CHODL: variants seen among roughly 807,000 people sequenced by gnomAD.
CHODL encodes transmembrane protein MT75.
In CHODL, 29 loss-of-function variants were observed where a neutral mutation model predicts 34.5. That is an observed-to-expected ratio of 0.84 (90% CI 0.63 to 1.15). The LOEUF (loss-of-function observed/expected upper bound fraction) is 1.15, where lower values mean the gene tolerates loss of function less well. CHODL is among the 50% of genes most tolerant of loss of function. The pLI is 0.00. For synonymous variants in CHODL, 125 were observed against 116.1 expected, an observed-to-expected ratio of 1.08 and a Z score of -0.49; for missense variants, 332 against 332.5, an observed-to-expected ratio of 1.00 and a Z score of 0.01.
At chr21:18,192,480 T>C (rs954121327) in intron 2 of CHODL, among the ~76,000 whole-genome samples, 7 of 152,226 alleles carry the variant, frequency 4.6e-5, no homozygotes, top group Non-Finnish European at 5.9e-5. Flanking sequence ...AAGTTTCGCA[T>C]GAAAGGCAAA....
At chr21:17,984,521 A>G (rs986878904) in intron 1 of CHODL, among the ~76,000 whole-genome samples, 1 of 152,182 alleles carries the variant, frequency 6.6e-6, no homozygotes. Flanking sequence ...TATAATTAAA[A>G]TACTTTCTAG....
intron 1 of CHODL, among the ~76,000 whole-genome samples, chr21:17,962,834 C>A (rs535060645): frequency 6.6e-6 from 1 of 151,914 alleles, no homozygotes; most frequent in Non-Finnish European, 1.5e-5. Context: ...GAGGCTGAGG[C>A]GGGTGGATCA....
chr21:18,247,406 A>G (rs1251414456), intron 1 of CHODL, among the ~76,000 whole-genome samples: 2 of 152,172 alleles, frequency 1.3e-5, no homozygotes, highest in Non-Finnish European at 1.5e-5. Flanking sequence ...CTGACCGCAG[A>G]AAAATAGACA....
intron 2 of CHODL, among the ~76,000 whole-genome samples, chr21:18,031,627 A>G (rs2064249294): frequency 6.6e-6 from 1 of 152,104 alleles, no homozygotes; most frequent in Non-Finnish European, 1.5e-5. Flanking sequence ...ATTAAATGCT[A>G]CAGGTATAAC....
chr21:18,187,173 A>G (rs2073452679), intron 2 of CHODL, among the ~76,000 whole-genome samples: 1 of 152,208 alleles, frequency 6.6e-6, no homozygotes, highest in Non-Finnish European at 1.5e-5. Flanking sequence ...TTTTTAAATG[A>G]CATTTCTAGG....
intron 1 of CHODL, among the ~76,000 whole-genome samples, chr21:17,953,189 G>C (rs1422483603): frequency 6.6e-6 from 1 of 152,118 alleles, no homozygotes; most frequent in Non-Finnish European, 1.5e-5. Context: ...GTAAATAATG[G>C]AATTGTAAAT....
In CHODL at chr21:18,001,773, CTTTTTT is replaced by C. The variant is rs59908803; in HGVS notation, c.-144-26081_-144-26076del. 1.0e-3 allele frequency among the ~76,000 whole-genome samples: 126 copies of C among 124,160 alleles called. 1 individual carries two copies. The highest frequency in any genetic ancestry group is 1.3e-3 in the African/African-American group (45 of 35,458). 81.5% of individuals were successfully genotyped at this position (124,160 alleles called of 152,430 possible). ...TCATGCCATACGTTGGCCTCATCCT[CTTTTTT>C]TTTTTTTTTTTTTTTTTAATTTCCC... On this transcript the variant is annotated intron_variant, in intron 1 of 6. Transcript: ENST00000400127.
rs550880306 is a variant in CHODL, at chr21:17,982,047, A to G, written c.-144-45825A>G. Among the ~76,000 whole-genome samples, 27 of 152,350 alleles carry G rather than the reference A, an allele frequency of 1.8e-4. No homozygotes were observed. In the East Asian group the frequency reaches 5.2e-3, roughly 29 times the overall value. On this transcript the variant is annotated intron_variant, in intron 1 of 6. Transcript: ENST00000400127. Reference sequence around the variant, plus strand: ...TACTACATCCTAGGATTGTTGGTGTAAAAGTAGTTTTCACTGTTTTTAGAA... The same window carrying G: ...TACTACATCCTAGGATTGTTGGTGTGAAAGTAGTTTTCACTGTTTTTAGAA...
intron 2 of CHODL, chr21:18,134,385 A>G (rs746939427): frequency 3.9e-6 from 2 of 515,890 alleles, no homozygotes; most frequent in Non-Finnish European, 7.7e-6. Flanking sequence ...TTTTAAGTCA[A>G]GCTGGCATCT....
intron 1 of CHODL, among the ~76,000 whole-genome samples, chr21:17,992,261 T>G (rs1248994205): frequency 1.3e-5 from 2 of 152,228 alleles, no homozygotes; most frequent in East Asian, 1.9e-4. Flanking sequence ...GGTAGTGTGA[T>G]GCCTCTAGTT....
chr21:17,967,074 G>A (rs1313322325), intron 1 of CHODL, among the ~76,000 whole-genome samples: 1 of 151,880 alleles, frequency 6.6e-6, no homozygotes, highest in Non-Finnish European at 1.5e-5. Context: ...TAGTAGAGAT[G>A]GGGTTTCACC....
At chr21:18,078,912 C>A (rs144670589) in intron 2 of CHODL, among the ~76,000 whole-genome samples, 254 of 152,280 alleles carry the variant, frequency 1.7e-3, no homozygotes, top group Middle Eastern at 6.8e-3. Flanking sequence ...GAATCAGACA[C>A]AAGATTTGCA....
chr21:18,147,608 G>A (rs2072910204), intron 2 of CHODL, among the ~76,000 whole-genome samples: 1 of 152,176 alleles, frequency 6.6e-6, no homozygotes, highest in Non-Finnish European at 1.5e-5. Context: ...TTTTATTTCA[G>A]GGATTGGCAG....
chr21:18,048,972 C>A (rs998965102), intron 2 of CHODL, among the ~76,000 whole-genome samples: 1 of 151,778 alleles, frequency 6.6e-6, no homozygotes, highest in Non-Finnish European at 1.5e-5. Context: ...TCAGATGACA[C>A]TAAAGAACAC....
chr21:18,124,012 G>A (rs771034259), intron 2 of CHODL, among the ~76,000 whole-genome samples: 2 of 151,984 alleles, frequency 1.3e-5, no homozygotes, highest in African/African-American at 2.4e-5. Flanking sequence ...GTGAAATCCC[G>A]TCTCTACTAA....
chr21:18,116,309 C>T (rs1297656272), intron 2 of CHODL, among the ~76,000 whole-genome samples: 1 of 152,044 alleles, frequency 6.6e-6, no homozygotes, highest in Non-Finnish European at 1.5e-5. Context: ...TTCTCTCTCT[C>T]TCTCTTTCTC....
At chr21:18,080,329 G>GTT (rs2146512823) in intron 2 of CHODL, among the ~76,000 whole-genome samples, 1 of 152,052 alleles carries the variant, frequency 6.6e-6, no homozygotes, top group African/African-American at 2.4e-5. Context: ...AAGCTTTTAG[G>GTT]TTTAATTAAG....
At chr21:18,139,554 C>A (rs1205965283) in intron 2 of CHODL, among the ~76,000 whole-genome samples, 5 of 152,134 alleles carry the variant, frequency 3.3e-5, no homozygotes, top group Non-Finnish European at 5.9e-5. Context: ...TCATCCCAAG[C>A]ATAGCTGACC....
At chr21:18,183,482 C>T (rs1327054787) in intron 2 of CHODL, among the ~76,000 whole-genome samples, 3 of 152,194 alleles carry the variant, frequency 2.0e-5, no homozygotes, top group Non-Finnish European at 4.4e-5. Context: ...CCTTGAGAAG[C>T]TGAATCTCAA....
Sources: gnomAD v4.1 joint callset for allele counts (sites outside exome capture counted in the v4.1 genomes callset) on GRCh38, gnomAD v4.1.1 for gene constraint, MANE v1.5 for transcripts, NCBI Gene and HGNC (gene_info 2026-07-23, HGNC 2026-07-21) for gene names.